NME7: variants seen among roughly 807,000 people sequenced by gnomAD.
The protein encoded by NME7 is nucleoside diphosphate kinase 7.
NME7 carries 41 observed loss-of-function variants against 49.1 expected under a neutral mutation model. That is an observed-to-expected ratio of 0.83 (90% CI 0.65 to 1.08). NME7 has a LOEUF of 1.08. Ranked by LOEUF, NME7 falls within the 50% of genes least tolerant of loss-of-function variation. The pLI is 0.00. For synonymous variants in NME7, 139 were observed against 150.6 expected (o/e 0.92, Z 0.56); for missense variants, 423 against 463.4 (o/e 0.91, Z 0.80).
chr1:169,136,776 T>C (rs1658446646), intron 11 of NME7, among the ~76,000 whole-genome samples: 1 of 152,236 alleles, frequency 6.6e-6, no homozygotes, highest in African/African-American at 2.4e-5. Context: ...TACTTTATAG[T>C]GCATAGTCTA....
rs895966223 is a variant in NME7 at position 169,196,870 on chromosome 1, C to A, written c.991-27316G>T. Among the ~76,000 whole-genome samples, 15 of 152,214 alleles carry A rather than the reference C, an allele frequency of 9.9e-5. 1 individual carries two copies. In the South Asian group the frequency reaches 3.1e-3, roughly 32 times the overall value. On this transcript the variant is annotated intron_variant, in intron 10 of 11. Coordinates refer to ENST00000367811, the MANE Select transcript of NME7 (RefSeq NM_013330.5). ...TATGAAAACTGGAGATTCAAGATCC[C>A]AGGATGCAGTCCTCTTGTATATAAA... is the stretch of plus-strand genomic sequence containing the variant.
intron 1 of NME7, among the ~76,000 whole-genome samples, chr1:169,355,242 T>C (rs190912734): frequency 5.1e-5 from 3 of 58,932 alleles, no homozygotes; most frequent in African/African-American, 1.3e-4. Flanking sequence ...ATATAATATA[T>C]TATATATTAT....
At chr1:169,317,759 A>G (rs1651702880) in intron 3 of NME7, among the ~76,000 whole-genome samples, 1 of 152,158 alleles carries the variant, frequency 6.6e-6, no homozygotes. Context: ...AATTGGCTTA[A>G]AGGTATAAAA....
In NME7 at chr1:169,276,581, T is replaced by C. The variant is rs1199631867; in HGVS notation, c.754+10722A>G. On this transcript the variant is annotated intron_variant, in intron 7 of 11. Transcript: ENST00000367811. ...CGTCTATTAGATTCTTCTCTCTTTT[T>C]TTCTTTATTAGTCTTGCTAGCGGTC... Among the ~76,000 whole-genome samples, 2 of 132,492 alleles carry C rather than the reference T, an allele frequency of 1.5e-5. 1 individual carries two copies. Among genetic ancestry groups the C allele is most frequent in the Non-Finnish European group, 3.5e-5 (2 of 56,708 alleles). 86.9% of individuals were successfully genotyped at this position (132,492 alleles called of 152,430 possible). A position where few individuals can be genotyped will look rare whatever the true frequency, so the allele number is the denominator to read the frequency against.
Position 169,160,684 on chromosome 1 carries a change from T to C in NME7, c.1098+8763A>G, listed in dbSNP as rs1205462182. 2.0e-5 allele frequency among the ~76,000 whole-genome samples: 3 copies of C among 151,958 alleles called. No homozygotes were observed. In the East Asian group the frequency reaches 5.8e-4, roughly 29 times the overall value. ...CTGTTTAATGATACACAACTTGATA[T>C]AAGACAGGTTAGGTTTTACCATTAA... is the stretch of plus-strand genomic sequence containing the variant. On this transcript the variant is annotated intron_variant, in intron 11 of 11. Coordinates refer to ENST00000367811, the MANE Select transcript of NME7 (RefSeq NM_013330.5).
rs1188067722 is a variant in NME7, at chr1:169,310,211, G to C, written c.279-131C>G. 3 of 579,820 alleles carry C rather than the reference G, an allele frequency of 5.2e-6. 1 individual carries two copies. Among genetic ancestry groups the C allele is most frequent in the East Asian group, 6.9e-5 (2 of 29,040 alleles). 35.9% of individuals were successfully genotyped at this position (579,820 alleles called of 1,614,324 possible). On this transcript the variant is annotated intron_variant, in intron 3 of 11. Coordinates refer to ENST00000367811, the MANE Select transcript of NME7 (RefSeq NM_013330.5). Reference sequence around the variant, plus strand: ...TTTGAAATTAATTGTATAGAAAAGTGTATTAAAGACATCCCTTAAAAACTT... The same window carrying C: ...TTTGAAATTAATTGTATAGAAAAGTCTATTAAAGACATCCCTTAAAAACTT...
chr1:169,346,111 A>T (rs899551695), intron 1 of NME7, among the ~76,000 whole-genome samples: 1 of 152,094 alleles, frequency 6.6e-6, no homozygotes, highest in African/African-American at 2.4e-5. Flanking sequence ...TCCCTCACCT[A>T]GATTATAGCC....
chr1:169,298,467 C>G (rs1650797985), intron 6 of NME7, 89 bp downstream of exon 6: 2 of 1,341,184 alleles, frequency 1.5e-6, no homozygotes, highest in Admixed American at 4.0e-5. Context: ...TAAATCCACC[C>G]TAAGTCACCA....
intron 11 of NME7, among the ~76,000 whole-genome samples, chr1:169,163,037 C>T (rs1417895387): frequency 2.0e-5 from 3 of 152,094 alleles, no homozygotes; most frequent in Non-Finnish European, 4.4e-5. Flanking sequence ...GAAAAGACCA[C>T]ATGTTTAAAG....
chr1:169,177,167 A>C (rs1659777876), intron 10 of NME7, among the ~76,000 whole-genome samples: 1 of 152,106 alleles, frequency 6.6e-6, no homozygotes, highest in African/African-American at 2.4e-5. Context: ...ATGCTCAGAA[A>C]CTTCCTCAAA....
At chr1:169,224,386 T>C (rs1661238303) in intron 10 of NME7, among the ~76,000 whole-genome samples, 2 of 152,162 alleles carry the variant, frequency 1.3e-5, no homozygotes, top group Admixed American at 6.5e-5. Flanking sequence ...TAAAACCCCA[T>C]ACTAGGTTGT....
At chr1:169,318,897 G>A (rs945481177) in intron 3 of NME7, among the ~76,000 whole-genome samples, 8 of 151,996 alleles carry the variant, frequency 5.3e-5, no homozygotes, top group African/African-American at 9.7e-5. Context: ...TGGGGGTAGC[G>A]GTGGTGAAGT....
chr1:169,230,280 G>A (rs1246128143), intron 10 of NME7, among the ~76,000 whole-genome samples: 2 of 152,114 alleles, frequency 1.3e-5, no homozygotes, highest in African/African-American at 4.8e-5. Context: ...CAAACTGAAA[G>A]GTATACTAGT....
intron 7 of NME7, among the ~76,000 whole-genome samples, chr1:169,279,406 C>A (rs891113604): frequency 2.0e-5 from 3 of 152,206 alleles, no homozygotes; most frequent in African/African-American, 7.2e-5. Flanking sequence ...GATCCCCTCC[C>A]CCAGCCTTGC....
chr1:169,353,034 G>A (rs1035739397), intron 1 of NME7, among the ~76,000 whole-genome samples: 3 of 150,784 alleles, frequency 2.0e-5, no homozygotes, highest in African/African-American at 7.3e-5. Flanking sequence ...TCTTCAAAGA[G>A]TAGAAATAGA....
At chr1:169,137,304 G>A (rs1658461794) in intron 11 of NME7, among the ~76,000 whole-genome samples, 1 of 152,212 alleles carries the variant, frequency 6.6e-6, no homozygotes, top group South Asian at 2.1e-4. Context: ...TTGAAAAAAA[G>A]GCCTGACATT....
At chr1:169,251,869 G>A (rs1648639970) in intron 7 of NME7, among the ~76,000 whole-genome samples, 1 of 151,638 alleles carries the variant, frequency 6.6e-6, no homozygotes, top group Non-Finnish European at 1.5e-5. Flanking sequence ...TTTCATCCAT[G>A]TCCCTACAAA....
Position 169,259,579 on chromosome 1 carries a change from G to A in NME7, c.755-21892C>T, listed in dbSNP as rs1418155253. Among the ~76,000 whole-genome samples the A allele has an allele frequency of 5.2e-5, 7 of 133,806 alleles. 2 individuals carry two copies. The highest frequency in any genetic ancestry group is 1.8e-4 in the African/African-American group (7 of 39,676). 87.8% of individuals were successfully genotyped at this position (133,806 alleles called of 152,430 possible). A position where few individuals can be genotyped will look rare whatever the true frequency, so the allele number is the denominator to read the frequency against. Reference sequence around the variant, plus strand: ...CTGTATTTCTAAATTTTTCTACTAAGATGAATTCCTGAGTAAAACTTAGCA... The same window carrying A: ...CTGTATTTCTAAATTTTTCTACTAAAATGAATTCCTGAGTAAAACTTAGCA... On this transcript the variant is annotated intron_variant, in intron 7 of 11. Coordinates refer to ENST00000367811, the MANE Select transcript of NME7 (RefSeq NM_013330.5).
intron 3 of NME7, among the ~76,000 whole-genome samples, chr1:169,311,631 C>T (rs1025041729): frequency 1.3e-5 from 2 of 152,030 alleles, no homozygotes; most frequent in African/African-American, 4.8e-5. Context: ...TAAAACTCTT[C>T]ACTTTTTAAT....
Sources: gnomAD v4.1 joint callset for allele counts (sites outside exome capture counted in the v4.1 genomes callset) on GRCh38, gnomAD v4.1.1 for gene constraint, MANE v1.5 for transcripts, NCBI Gene and HGNC (gene_info 2026-07-23, HGNC 2026-07-21) for gene names.